The following AKAP13 variants were observed in gnomAD, a reference collection of about 807,000 sequenced individuals.
AKAP13 encodes the protein A-kinase anchoring protein 13.
AKAP13 carries 80 observed loss-of-function variants against 264.5 expected under a neutral mutation model. That is an observed-to-expected ratio of 0.30 (90% CI 0.25 to 0.36). The LOEUF (loss-of-function observed/expected upper bound fraction) is 0.36, where lower values mean the gene tolerates loss of function less well. Ranked by LOEUF, AKAP13 falls within the 10% of genes least tolerant of loss-of-function variation. The pLI, the probability that AKAP13 is intolerant of heterozygous loss-of-function variation, is 1.00. For synonymous variants in AKAP13, 1,380 were observed against 1,250.2 expected (o/e 1.10, Z -2.19); for missense variants, 3,712 against 3,435.2 (o/e 1.08, Z -2.01).
At chr15:85,693,153 T>C (rs1193029957) in intron 16 of AKAP13, 124 bp from the exon 17 acceptor site, 1 of 1,378,012 alleles carries the variant, frequency 7.3e-7, no homozygotes, top group East Asian at 2.8e-5. Flanking sequence ...CCCAGAACTT[T>C]GTTTCTCACT....
chr15:85,506,735 T>C (rs1363518084), intron 2 of AKAP13, among the ~76,000 whole-genome samples: 2 of 152,160 alleles, frequency 1.3e-5, no homozygotes, highest in Admixed American at 6.5e-5. Flanking sequence ...AACAGTTGTT[T>C]ATGATCGTCT....
At chr15:85,475,903 G>T (rs901029012) in intron 1 of AKAP13, among the ~76,000 whole-genome samples, 1 of 152,196 alleles carries the variant, frequency 6.6e-6, no homozygotes, top group African/African-American at 2.4e-5. Context: ...TGGGGGCTCA[G>T]TACTGTGCCA....
intron 1 of AKAP13, chr15:85,480,928 G>C (rs541685554): frequency 6.6e-6 from 1 of 152,350 alleles, no homozygotes; most frequent in Admixed American, 6.5e-5. Flanking sequence ...CTTATCTGAA[G>C]TGATCAGCCT....
chr15:85,744,769 C>A lies in AKAP13; in HGVS notation c.*92C>A. The A allele has an allele frequency of 8.2e-7, 1 of 1,218,758 alleles. No individual in the cohort carries two copies. Among genetic ancestry groups the A allele is most frequent in the Non-Finnish European group, 1.1e-6 (1 of 878,468 alleles). The allele number at this position is 1,218,758 out of a possible 1,614,324, so 75.5% of individuals were successfully genotyped here. A position where few individuals can be genotyped will look rare whatever the true frequency, so the allele number is the denominator to read the frequency against. On this transcript the variant is annotated 3_prime_UTR_variant, in exon 37 of 37. Transcript: ENST00000394518. Reference sequence around the variant, plus strand: ...GCGTGCACAAGTCTCTTACACTGGACGCCCACTGCTCCTCAGCGTCCAGTC... The same window carrying A: ...GCGTGCACAAGTCTCTTACACTGGAAGCCCACTGCTCCTCAGCGTCCAGTC...
intron 1 of AKAP13, among the ~76,000 whole-genome samples, chr15:85,462,839 A>G (rs1307923370): frequency 6.6e-6 from 1 of 151,404 alleles, no homozygotes; most frequent in African/African-American, 2.4e-5. Context: ...CCCGGCTAAA[A>G]TGATGAAACC....
chr15:85,622,742 T>TCA (rs1472862707), intron 8 of AKAP13, among the ~76,000 whole-genome samples: 1 of 152,242 alleles, frequency 6.6e-6, no homozygotes, highest in Non-Finnish European at 1.5e-5. Flanking sequence ...TCCCAGTGTC[T>TCA]CACATCTCAT....
intron 14 of AKAP13, among the ~76,000 whole-genome samples, chr15:85,673,715 C>G (rs2084055517): frequency 1.1e-5 from 1 of 91,830 alleles, no homozygotes; most frequent in East Asian, 3.9e-4. Context: ...CAGAATCTTG[C>G]TCTGTTGTTG....
chr15:85,473,275 G>A (rs1017294934), intron 1 of AKAP13, among the ~76,000 whole-genome samples: 1 of 152,184 alleles, frequency 6.6e-6, no homozygotes, highest in African/African-American at 2.4e-5. Flanking sequence ...AAAGAGTAGG[G>A]ATGTAGGCTT....
chr15:85,619,246 A>G (rs1012376057), intron 8 of AKAP13: 15 of 431,876 alleles, frequency 3.5e-5, no homozygotes, highest in African/African-American at 1.7e-4. Flanking sequence ...CACAACTGCA[A>G]TTGGGTTTTC....
chr15:85,519,403 C>T (rs185172873), intron 2 of AKAP13, among the ~76,000 whole-genome samples: 1 of 152,250 alleles, frequency 6.6e-6, no homozygotes, highest in African/African-American at 2.4e-5. Flanking sequence ...CATAGTTTGT[C>T]AACCTAGTCA....
intron 12 of AKAP13, among the ~76,000 whole-genome samples, chr15:85,661,620 C>G (rs1384935439): frequency 6.6e-6 from 1 of 152,042 alleles, no homozygotes; most frequent in Non-Finnish European, 1.5e-5. Flanking sequence ...ACTCGGGAGG[C>G]TGAGGCAGGA....
chr15:85,567,521 T>C (rs2078647716), intron 5 of AKAP13, among the ~76,000 whole-genome samples: 1 of 152,198 alleles, frequency 6.6e-6, no homozygotes, highest in Non-Finnish European at 1.5e-5. Context: ...ATAATTATTA[T>C]GAAGAGAAAA....
intron 1 of AKAP13, among the ~76,000 whole-genome samples, chr15:85,447,476 A>G (rs2073942410): frequency 6.6e-6 from 1 of 152,090 alleles, no homozygotes; most frequent in Non-Finnish European, 1.5e-5. Context: ...TCACCCAGGT[A>G]TTAAGTTCAG....
At chr15:85,399,502 C>CAAAA (rs71138392) in intron 1 of AKAP13, among the ~76,000 whole-genome samples, 28 of 77,070 alleles carry the variant, frequency 3.6e-4, no homozygotes, top group African/African-American at 5.4e-4. Flanking sequence ...GACTCCGTCT[C>CAAAA]AAAAAAAAAA....
chr15:85,545,010 G>C (rs1171589387), intron 5 of AKAP13, among the ~76,000 whole-genome samples: 1 of 152,170 alleles, frequency 6.6e-6, no homozygotes. Flanking sequence ...TGATTCACTT[G>C]CCAGGCTTAT....
In AKAP13 at chr15:85,741,479, A is replaced by G; in HGVS notation, c.8042A>G (p.Glu2681Gly). ...EAERLSQRQT[E>G]RDLCQVSHPH... ...GAGCGGCTCAGCCAGCGGCAGACAG[A>G]ACGGGACCTGTGTCAGGTAATGGGA... The change falls in exon 35 of 37, where the codon GAA becomes GGA. Residue 2681 changes from glutamate (E) to glycine (G), a missense_variant. By Grantham distance (98) the Glu-to-Gly change is moderately conservative (BLOSUM62 -2). Coordinates refer to ENST00000394518, the MANE Select transcript of AKAP13 (RefSeq NM_007200.5). 6.3e-7 allele frequency: 1 copy of G among 1,594,650 alleles called. No individual in the cohort carries two copies. Among genetic ancestry groups the G allele is most frequent in the Admixed American group, 1.7e-5 (1 of 58,850 alleles).
At chr15:85,678,476 A>G (rs890171074) in intron 14 of AKAP13, among the ~76,000 whole-genome samples, 2 of 152,226 alleles carry the variant, frequency 1.3e-5, no homozygotes, top group South Asian at 2.1e-4. Context: ...TAGACACAGA[A>G]TAAGATGATC....
intron 2 of AKAP13, among the ~76,000 whole-genome samples, chr15:85,503,767 C>CT (rs1174943462): frequency 6.6e-6 from 1 of 152,246 alleles, no homozygotes; most frequent in Non-Finnish European, 1.5e-5. Flanking sequence ...GCTTTACTCT[C>CT]TCGCTCTAAT....
At chr15:85,466,432 C>T (rs1159678586) in intron 1 of AKAP13, among the ~76,000 whole-genome samples, 1 of 152,066 alleles carries the variant, frequency 6.6e-6, no homozygotes, top group African/African-American at 2.4e-5. Context: ...CTTGCCCATG[C>T]CTATGTCCTG....
Sources: gnomAD v4.1 joint callset for allele counts (sites outside exome capture counted in the v4.1 genomes callset) on GRCh38, gnomAD v4.1.1 for gene constraint, MANE v1.5 for transcripts, NCBI Gene and HGNC (gene_info 2026-07-23, HGNC 2026-07-21) for gene names.